Variants in ZNF222 observed in about 807,000 individuals in gnomAD.
ZNF222 encodes zinc finger protein 222.
ZNF222 carries 8 observed loss-of-function variants against 11.6 expected under a neutral mutation model. That is an observed-to-expected ratio of 0.69 (90% CI 0.41 to 1.25). ZNF222 has a LOEUF of 1.25. ZNF222 is among the 50% of genes most tolerant of loss of function. The pLI is 0.01. For missense variants in ZNF222, 483 were observed against 576.1 expected, an observed-to-expected ratio of 0.84 and a Z score of 1.65; for synonymous variants, 171 against 195.6, an observed-to-expected ratio of 0.87 and a Z score of 1.05.
chr19:44,025,523 C>G lies in ZNF222; in HGVS notation c.42+45C>G, dbSNP rs1026399404. 1 of 1,523,748 alleles carries G rather than the reference C, an allele frequency of 6.6e-7. No homozygotes were observed. Among genetic ancestry groups the G allele is most frequent in the East Asian group, 2.5e-5 (1 of 40,756 alleles). The allele number at this position is 1,523,748 out of a possible 1,614,324, so 94.4% of individuals were successfully genotyped here. On this transcript the variant is annotated intron_variant, in intron 1 of 3. Coordinates refer to ENST00000391960, the MANE Select transcript of ZNF222 (RefSeq NM_001129996.2). This position sits in a 1 kb window ranked among gnomAD's most constrained non-coding sequence, Gnocchi z 4.6. ...GGGATTGCCGTTCCAGTCAGCTGAG[C>G]CTTCTGGCGTCGGGGGGCTCTGCTA...
chr19:44,025,532 G>A lies in ZNF222; in HGVS notation c.42+54G>A. On this transcript the variant is annotated intron_variant, in intron 1 of 3. Transcript: ENST00000391960. The surrounding 1 kb of genome is among the most constrained non-coding windows in gnomAD (Gnocchi z 4.6). ...GTTCCAGTCAGCTGAGCCTTCTGGC[G>A]TCGGGGGGCTCTGCTAGGGTCTCAG... 6.6e-7 allele frequency: 1 copy of A among 1,512,774 alleles called. No individual in the cohort carries two copies. Among genetic ancestry groups the A allele is most frequent in the African/African-American group, 1.4e-5 (1 of 71,862 alleles). The allele number at this position is 1,512,774 out of a possible 1,614,324, so 93.7% of individuals were successfully genotyped here.
At chr19:44,026,128 C>T in intron 1 of ZNF222, 1 of 1,594,542 alleles carries the variant, frequency 6.3e-7, no homozygotes, top group Non-Finnish European at 8.6e-7. Flanking sequence ...GAGATGCTTA[C>T]CTCAACCGAG....
In ZNF222 at chr19:44,025,499, G is replaced by A. The variant is rs2147438415; in HGVS notation, c.42+21G>A. On this transcript the variant is annotated intron_variant, in intron 1 of 3. Transcript: ENST00000391960. The surrounding 1 kb of genome is among the most constrained non-coding windows in gnomAD (Gnocchi z 4.6). ...CAGAGGTTTGGAGGGGCGCGGGCGGGGATTGCCGTTCCAGTCAGCTGAGCC... is the reference window on the plus strand; with the variant it reads ...CAGAGGTTTGGAGGGGCGCGGGCGGAGATTGCCGTTCCAGTCAGCTGAGCC... 2.6e-6 allele frequency: 4 copies of A among 1,542,270 alleles called. No individual in the cohort carries two copies. Among genetic ancestry groups the A allele is most frequent in the Non-Finnish European group, 3.5e-6 (4 of 1,142,730 alleles).
chr19:44,027,621 C>G (rs1241697262), intron 3 of ZNF222, 131 bp downstream of exon 3: 7 of 842,170 alleles, frequency 8.3e-6, no homozygotes, highest in Non-Finnish European at 1.2e-5. Flanking sequence ...TGCTGATGCC[C>G]CTGCTCCCAC....
chr19:44,032,258 A>G lies in ZNF222; in HGVS notation c.704A>G (p.His235Arg), dbSNP rs780351932. The G allele has an allele frequency of 4.3e-5, 70 of 1,614,138 alleles. 1 individual carries two copies. The East Asian group carries it at 1.6e-3, about 36-fold the overall frequency. ...CGTCTGCAAACTCATCAAAGAGTCC[A>G]CACTGGAGAGAAACCATTCAAATGT... The part of the protein sequence containing the change: ...SSRLQTHQRV[H>R]TGEKPFKCEQ... Residue 235 changes from histidine (H) to arginine (R), a missense_variant, in exon 4 of 4, where the codon CAC (histidine) becomes CGC (arginine). By Grantham distance (29) the His-to-Arg change is conservative (BLOSUM62 0). Transcript: ENST00000391960.
chr19:44,030,711 C>T (rs1300923676), intron 3 of ZNF222, among the ~76,000 whole-genome samples: 2 of 152,170 alleles, frequency 1.3e-5, no homozygotes, highest in African/African-American at 4.8e-5. Flanking sequence ...ATCAGGGGAA[C>T]TTACCTGAGT....
Position 44,025,570 on chromosome 19 carries a change from G to A in ZNF222, c.42+92G>A. ...GCTAGGGTCTCAGGGAGTGGGATTG[G>A]CGCGGCCCGGTGTGCCCTACTTTGA... On this transcript the variant is annotated intron_variant, in intron 1 of 3. Transcript: ENST00000391960. This position sits in a 1 kb window ranked among gnomAD's most constrained non-coding sequence, Gnocchi z 4.6. 7.2e-7 allele frequency: 1 copy of A among 1,387,070 alleles called. No homozygotes were observed. Among genetic ancestry groups the A allele is most frequent in the Non-Finnish European group, 9.6e-7 (1 of 1,041,668 alleles). The allele number at this position is 1,387,070 out of a possible 1,614,324, so 85.9% of individuals were successfully genotyped here. A position where few individuals can be genotyped will look rare whatever the true frequency, so the allele number is the denominator to read the frequency against.
At position 44,032,121 on chromosome 19, in the gene ZNF222, G is replaced by C; in HGVS notation, c.567G>C (p.Glu189Asp). Residue 189 changes from glutamate (E) to aspartate (D), a missense_variant, in exon 4 of 4, where the codon GAG (glutamate) becomes GAC (aspartate). Transcript: ENST00000391960. ...GAGAGAAGTCTCATACCTGTGATGA[G>C]TGTGGAAAAAGCTTCTGTTACATCT... ...YSGEKSHTCD[E>D]CGKSFCYISA... The C allele has an allele frequency of 6.2e-7, 1 of 1,614,224 alleles. No individual in the cohort carries two copies. Among genetic ancestry groups the C allele is most frequent in the Non-Finnish European group, 8.5e-7 (1 of 1,180,044 alleles).
chr19:44,027,619 C>A, intron 3 of ZNF222, 129 bp downstream of exon 3: 1 of 865,706 alleles, frequency 1.2e-6, no homozygotes, highest in Non-Finnish European at 1.9e-6. Flanking sequence ...CCTGCTGATG[C>A]CCCTGCTCCC....
rs992172270 is a variant in ZNF222, at chr19:44,032,176, A to G, written c.622A>G (p.Met208Val). ...CCTTCATATTCATCAGAGGGTCCAC[A>G]TGGGAGTGAAATGCTATAAGTGTGA... is the stretch of plus-strand genomic sequence containing the variant. ...SALHIHQRVH[M>V]GVKCYKCDVC... The change falls in exon 4 of 4, where the codon ATG becomes GTG. Residue 208 changes from methionine (M) to valine (V), a missense_variant. Met to Val is a conservative substitution (Grantham distance 21). Transcript: ENST00000391960. 1 of 1,614,218 alleles carries G rather than the reference A, an allele frequency of 6.2e-7. No homozygotes were observed. Among genetic ancestry groups the G allele is most frequent in the Non-Finnish European group, 8.5e-7 (1 of 1,180,038 alleles).
rs1976347572 is a variant in ZNF222, at chr19:44,025,829, C to T, written c.42+351C>T. ...GTGTCTGGTGGTCTCTTGTTAATTT[C>T]CCACGAAGCCTGTCAGGTCCTCTGG... On this transcript the variant is annotated intron_variant, in intron 1 of 3. Coordinates refer to ENST00000391960, the MANE Select transcript of ZNF222 (RefSeq NM_001129996.2). The surrounding 1 kb of genome is among the most constrained non-coding windows in gnomAD (Gnocchi z 4.6). Among the ~76,000 whole-genome samples, 1 of 152,180 alleles carries T rather than the reference C, an allele frequency of 6.6e-6. No homozygotes were observed. Among genetic ancestry groups the T allele is most frequent in the South Asian group, 2.1e-4 (1 of 4,828 alleles).
Position 44,027,259 on chromosome 19 carries a change from T to G in ZNF222, c.169+110T>G, listed in dbSNP as rs1483603084. 8 of 1,586,846 alleles carry G rather than the reference T, an allele frequency of 5.0e-6. No homozygotes were observed. In the East Asian group the frequency reaches 1.6e-4, roughly 31 times the overall value. ...TGAGAACCTACATTTCCAGTAAATT[T>G]TGCCTGGCTATTAGGTTGGTGCAAA... On this transcript the variant is annotated intron_variant, in intron 2 of 3. Coordinates refer to ENST00000391960, the MANE Select transcript of ZNF222 (RefSeq NM_001129996.2).
rs1976541853 is a variant in ZNF222, at chr19:44,033,016, T to G, written c.1462T>G (p.Leu488Val). The change falls in exon 4 of 4, where the codon TTA becomes GTA. Residue 488 changes from leucine (L) to valine (V), a missense_variant. Coordinates refer to ENST00000391960, the MANE Select transcript of ZNF222 (RefSeq NM_001129996.2). ...TCTGGATATAATTTTATCATTATTT[T>G]TAAATGACATATAAGTTATACATAT... ...LNLDIILSLF[L>V]NDI is the part of the protein sequence containing the mutation. 2.0e-6 allele frequency: 3 copies of G among 1,537,900 alleles called. No individual in the cohort carries two copies. In the East Asian group the frequency reaches 6.8e-5, roughly 35 times the overall value.
chr19:44,028,441 A>T (rs1181671642), intron 3 of ZNF222: 1 of 391,548 alleles, frequency 2.6e-6, no homozygotes, highest in Non-Finnish European at 4.5e-6. Context: ...TGATTGGAAT[A>T]CACTGTCCCC....
At chr19:44,026,914 T>C in intron 1 of ZNF222, 109 bp from the exon 2 acceptor site, 2 of 1,523,656 alleles carry the variant, frequency 1.3e-6, no homozygotes, top group Non-Finnish European at 1.8e-6. Flanking sequence ...GACCTATGTC[T>C]CTCAAGATCC....
chr19:44,030,041 C>A (rs1434925395), intron 3 of ZNF222, among the ~76,000 whole-genome samples: 3 of 152,150 alleles, frequency 2.0e-5, no homozygotes, highest in African/African-American at 7.2e-5. Context: ...AACTTTATTT[C>A]AGCTCATTGA....
At chr19:44,031,735 C>T in intron 3 of ZNF222, 82 bp from the exon 4 acceptor site, 1 of 1,472,316 alleles carries the variant, frequency 6.8e-7, no homozygotes, top group Non-Finnish European at 9.2e-7. Flanking sequence ...CCCGCCTCGG[C>T]CTCCCAAAGT....
intron 3 of ZNF222, chr19:44,028,140 C>T (rs11672683): frequency 0.18 from 70,372 of 399,558 alleles, 6,487 homozygotes; most frequent in Admixed American, 0.26. Context: ...CATTGCATCC[C>T]TGACCATTCT....
At position 44,032,002 on chromosome 19, in the gene ZNF222, G is replaced by A. The variant is rs770964763; in HGVS notation, c.448G>A (p.Val150Ile). Residue 150 changes from valine (V) to isoleucine (I), a missense_variant, in exon 4 of 4, where the codon GTT becomes ATT. Val to Ile is a conservative substitution (Grantham distance 29). Coordinates refer to ENST00000391960, the MANE Select transcript of ZNF222 (RefSeq NM_001129996.2). ...CCAGATTAAAGCAAGACTATCTACA[G>A]TTCACACAAGAGAAAAACCTTTCCA... is the stretch of plus-strand genomic sequence containing the variant. ...PSQIKARLSTVHTREKPFQGE... is the reference protein window; with the variant it reads ...PSQIKARLSTIHTREKPFQGE... 2 of 1,614,180 alleles carry A rather than the reference G, an allele frequency of 1.2e-6. No homozygotes were observed. The highest frequency in any genetic ancestry group is 1.3e-5 in the African/African-American group (1 of 75,040).
Sources: allele counts gnomAD v4.1 joint callset (sites outside exome capture counted in the v4.1 genomes callset), GRCh38; gene constraint gnomAD v4.1.1; non-coding constraint Gnocchi (gnomAD v3.1); transcripts MANE v1.5; gene names NCBI Gene and HGNC (gene_info 2026-07-23, HGNC 2026-07-21).